VIT: variants seen among roughly 807,000 people sequenced by gnomAD.
The protein encoded by VIT is vitrin.
VIT carries 99 observed loss-of-function variants against 78.0 expected under a neutral mutation model. The ratio of observed to expected loss-of-function variants is 1.27; its 90% CI spans 1.08 to 1.50. VIT has a LOEUF of 1.50. Ranked by LOEUF, VIT falls within the 40% of genes most tolerant of loss-of-function variation. VIT has a pLI of 0.00. For missense variants in VIT, 1,126 were observed against 875.3 expected (o/e 1.29, Z -3.61); for synonymous variants, 374 against 334.3 (o/e 1.12, Z -1.29).
At chr2:36,785,261 G>T (rs867897061) in intron 11 of VIT, among the ~76,000 whole-genome samples, 4 of 152,272 alleles carry the variant, frequency 2.6e-5, no homozygotes, top group Middle Eastern at 3.4e-3. Context: ...AATCACCTGG[G>T]GATCTTGTTA....
intron 14 of VIT, among the ~76,000 whole-genome samples, chr2:36,805,984 T>C (rs1446196495): frequency 6.7e-6 from 1 of 150,038 alleles, no homozygotes; most frequent in East Asian, 2.0e-4. Context: ...GCGAACATAC[T>C]CTCTCTCTCT....
chr2:36,813,036 C>CAAA (rs113165454), intron 15 of VIT, among the ~76,000 whole-genome samples: 1 of 125,128 alleles, frequency 8.0e-6, no homozygotes, highest in Non-Finnish European at 1.6e-5. Context: ...TAATTTTTTG[C>CAAA]AAAAAAAAAA....
chr2:36,809,803 AG>A (rs1439095748), intron 15 of VIT, among the ~76,000 whole-genome samples: 1 of 152,176 alleles, frequency 6.6e-6, no homozygotes, highest in African/African-American at 2.4e-5. Flanking sequence ...GTGGGGCTTC[AG>A]GGAAACCTGA....
chr2:36,800,159 A>G (rs572110055), intron 12 of VIT, among the ~76,000 whole-genome samples: 1 of 152,150 alleles, frequency 6.6e-6, no homozygotes, highest in Non-Finnish European at 1.5e-5. Flanking sequence ...AGCCTGGCTA[A>G]GATGGTGAAA....
intron 6 of VIT, among the ~76,000 whole-genome samples, chr2:36,761,454 C>A (rs571848910): frequency 2.0e-5 from 3 of 151,872 alleles, no homozygotes; most frequent in Admixed American, 1.3e-4. Context: ...GAAAGGGGTA[C>A]TTGTGGCCGG....
intron 3 of VIT, among the ~76,000 whole-genome samples, chr2:36,741,061 A>G (rs1572452915): frequency 1.3e-5 from 2 of 152,332 alleles, no homozygotes; most frequent in Middle Eastern, 3.4e-3. Flanking sequence ...ATTAAGAACA[A>G]AGAAGAAATC....
chr2:36,729,933 C>T (rs1258756608), intron 3 of VIT, among the ~76,000 whole-genome samples: 1 of 152,140 alleles, frequency 6.6e-6, no homozygotes, highest in East Asian at 1.9e-4. Flanking sequence ...ATTTCACACC[C>T]AATCAATGGA....
chr2:36,713,494 G>C (rs1309410540), intron 1 of VIT, among the ~76,000 whole-genome samples: 2 of 152,350 alleles, frequency 1.3e-5, no homozygotes, highest in African/African-American at 2.4e-5. Context: ...CCACTGTGGA[G>C]TGTCAGCCGA....
Position 36,754,860 on chromosome 2 carries a change from T to G in VIT, c.276-61T>G, listed in dbSNP as rs1218816871. On this transcript the variant is annotated intron_variant, in intron 4 of 15. Coordinates refer to ENST00000379242, the MANE Select transcript of VIT (RefSeq NM_053276.4). ...AAAGATGGCGACTGGTTTTCTAGCC[T>G]GTTGATCACGTCAAAAAATATTTCT... The G allele has an allele frequency of 5.1e-6, 8 of 1,566,742 alleles. No homozygotes were observed. The Admixed American group carries it at 7.2e-5, about 14-fold the overall frequency.
At chr2:36,799,140 C>T (rs1666128289) in intron 12 of VIT, among the ~76,000 whole-genome samples, 1 of 152,180 alleles carries the variant, frequency 6.6e-6, no homozygotes, top group African/African-American at 2.4e-5. Flanking sequence ...TCATCCCTTG[C>T]CTTGTAAATA....
Position 36,805,647 on chromosome 2 carries a change from C to T in VIT, c.1372C>T (p.Pro458Ser), listed in dbSNP as rs1279715045. 4 of 1,613,480 alleles carry T rather than the reference C, an allele frequency of 2.5e-6. No homozygotes were observed. Among genetic ancestry groups the T allele is most frequent in the African/African-American group, 1.3e-5 (1 of 74,886 alleles). ...AAATGAGAAGCAGTATGTGGTGGAG[C>T]CCAACTTTGCAAACAAGGTAGATGA... ...AENEKQYVVE[P>S]NFANKAVCRT... is the part of the protein sequence containing the mutation. Residue 458 changes from proline (P) to serine (S), a missense_variant, in exon 14 of 16, where the codon CCC becomes TCC. Transcript: ENST00000379242.
intron 12 of VIT, among the ~76,000 whole-genome samples, chr2:36,799,191 G>A (rs532917778): frequency 6.6e-6 from 1 of 152,148 alleles, no homozygotes; most frequent in African/African-American, 2.4e-5. Flanking sequence ...TTGAGATAGA[G>A]AGCAGTTTGG....
chr2:36,736,276 G>A (rs973981528), intron 3 of VIT, among the ~76,000 whole-genome samples: 3 of 152,104 alleles, frequency 2.0e-5, no homozygotes, highest in African/African-American at 7.2e-5. Flanking sequence ...TTTTCCTAAG[G>A]TAGTCATAAT....
intron 1 of VIT, among the ~76,000 whole-genome samples, chr2:36,701,628 A>AT (rs1296557435): frequency 2.0e-5 from 3 of 151,554 alleles, no homozygotes; most frequent in Non-Finnish European, 4.4e-5. Context: ...AAAAGAAAAA[A>AT]ATATACCTAT....
At position 36,781,790 on chromosome 2, in the gene VIT, C is replaced by A. The variant is rs1200804216; in HGVS notation, c.847+19C>A. On this transcript the variant is annotated intron_variant, in intron 10 of 15. Transcript: ENST00000379242. The stretch of plus-strand genomic sequence containing the variant: ...GATGAAGGTAATTATACAGCCCAAC[C>A]TCTCAGCCACGCGTGGATCAAGATG... 5 of 1,613,884 alleles carry A rather than the reference C, an allele frequency of 3.1e-6. No homozygotes were observed. The highest frequency in any genetic ancestry group is 4.2e-6 in the Non-Finnish European group (5 of 1,179,916).
At chr2:36,780,778 C>G (rs1664695782) in intron 9 of VIT, among the ~76,000 whole-genome samples, 1 of 149,798 alleles carries the variant, frequency 6.7e-6, no homozygotes, top group Admixed American at 6.6e-5. Flanking sequence ...TGATCATGCT[C>G]TCAACTTTCT....
At chr2:36,761,654 C>T (rs1469073106) in intron 6 of VIT, among the ~76,000 whole-genome samples, 2 of 152,008 alleles carry the variant, frequency 1.3e-5, no homozygotes, top group South Asian at 2.1e-4. Context: ...GCAGGAGAAT[C>T]ACTTGAACCC....
At chr2:36,791,433 T>G (rs985867886) in intron 12 of VIT, among the ~76,000 whole-genome samples, 1 of 152,158 alleles carries the variant, frequency 6.6e-6, no homozygotes, top group Non-Finnish European at 1.5e-5. Flanking sequence ...AATGTCCAAA[T>G]CCCTGGAAAC....
chr2:36,814,385 C>G lies in VIT; in HGVS notation c.*24C>G, dbSNP rs1460043384. 1 of 1,612,246 alleles carries G rather than the reference C, an allele frequency of 6.2e-7. No individual in the cohort carries two copies. Among genetic ancestry groups the G allele is most frequent in the Admixed American group, 1.7e-5 (1 of 60,002 alleles). ...GAATTCAGAGCAGGCAGAGCACCAG[C>G]AAGTGCTGCTTTACTAACTGACGTG... On this transcript the variant is annotated 3_prime_UTR_variant, in exon 16 of 16. Coordinates refer to ENST00000379242, the MANE Select transcript of VIT (RefSeq NM_053276.4).
Sources: gnomAD v4.1 joint callset for allele counts (sites outside exome capture counted in the v4.1 genomes callset) on GRCh38, gnomAD v4.1.1 for gene constraint, MANE v1.5 for transcripts, NCBI Gene and HGNC (gene_info 2026-07-23, HGNC 2026-07-21) for gene names.